MGAT4C: variants seen among roughly 807,000 people sequenced by gnomAD.
MGAT4C encodes MGAT4 family member C.
MGAT4C carries 19 observed loss-of-function variants against 40.1 expected under a neutral mutation model. That is an observed-to-expected ratio of 0.47 (90% CI 0.33 to 0.70). The LOEUF (loss-of-function observed/expected upper bound fraction) is 0.70, where lower values mean the gene tolerates loss of function less well. Among genes scored for constraint, MGAT4C ranks in the 30% least tolerant of loss-of-function variants. MGAT4C has a pLI of 0.02. For synonymous variants in MGAT4C, 181 were observed against 187.1 expected, an observed-to-expected ratio of 0.97 and a Z score of 0.27; for missense variants, 491 against 563.2, an observed-to-expected ratio of 0.87 and a Z score of 1.30.
At chr12:86,213,824 A>T (rs2135967037) in intron 1 of MGAT4C, among the ~76,000 whole-genome samples, 1 of 152,362 alleles carries the variant, frequency 6.6e-6, no homozygotes, top group South Asian at 2.1e-4. Context: ...ATGTGGACAC[A>T]GAGAAAGAAA....
Position 86,540,125 on chromosome 12 carries a change from G to A in MGAT4C, c.-228-104860C>T, listed in dbSNP as rs183361633. Among the ~76,000 whole-genome samples the A allele has an allele frequency of 3.3e-3, 500 of 152,226 alleles. 1 individual carries two copies. The highest frequency in any genetic ancestry group is 0.012 in the African/African-American group (483 of 41,536). ...CCTATGTCCTGAATGGTAATGCCTA[G>A]GTTTTCTTCTAGGGTTTTTATGGTT... is the stretch of plus-strand genomic sequence containing the variant. On this transcript the variant is annotated intron_variant, in intron 2 of 7. Coordinates refer to the MGAT4C transcript ENST00000548651.
chr12:85,991,219 A>G (rs1885888094), intron 2 of MGAT4C, among the ~76,000 whole-genome samples: 1 of 152,146 alleles, frequency 6.6e-6, no homozygotes, highest in Non-Finnish European at 1.5e-5. Context: ...TTCTCAGCAG[A>G]CAGGGTAGCT....
intron 1 of MGAT4C, among the ~76,000 whole-genome samples, chr12:86,074,463 C>G (rs1299304346): frequency 2.0e-5 from 3 of 152,112 alleles, no homozygotes; most frequent in Non-Finnish European, 4.4e-5. Context: ...TTGGAGTTTG[C>G]ATTTTGTAGA....
At chr12:86,259,245 A>C (rs1008245840), upstream of MGAT4C, among the ~76,000 whole-genome samples, 6 of 152,022 alleles carry the variant, frequency 3.9e-5, no homozygotes, top group Non-Finnish European at 4.4e-5. Context: ...AAGACCTTTC[A>C]GTAATTTATT....
At chr12:86,711,732 A>T (rs1193366867) in intron 2 of MGAT4C, among the ~76,000 whole-genome samples, 1 of 152,212 alleles carries the variant, frequency 6.6e-6, no homozygotes, top group Non-Finnish European at 1.5e-5. Flanking sequence ...AATATATTAA[A>T]TTACACAAAA....
chr12:86,189,731 A>G (rs1417658216), intron 1 of MGAT4C, among the ~76,000 whole-genome samples: 1 of 152,060 alleles, frequency 6.6e-6, no homozygotes, highest in Non-Finnish European at 1.5e-5. Context: ...TTTCTTTGAA[A>G]GCAAAACAAA....
intron 2 of MGAT4C, among the ~76,000 whole-genome samples, chr12:86,568,544 T>TCA (rs1292997139): frequency 2.1e-4 from 10 of 46,584 alleles, no homozygotes; most frequent in African/African-American, 3.7e-4. Flanking sequence ...AAACTCCCCT[T>TCA]CATATATATA....
intron 1 of MGAT4C, among the ~76,000 whole-genome samples, chr12:86,762,523 T>C (rs1196107031): frequency 1.3e-5 from 2 of 152,188 alleles, no homozygotes; most frequent in Admixed American, 6.5e-5. Flanking sequence ...CTCTCTCACA[T>C]AGCCACTCAA....
chr12:86,186,936 G>A (rs900760641), intron 1 of MGAT4C, among the ~76,000 whole-genome samples: 4 of 152,114 alleles, frequency 2.6e-5, no homozygotes. Context: ...AATCTATAGT[G>A]TTAGCAGGCC....
intron 1 of MGAT4C, among the ~76,000 whole-genome samples, chr12:86,823,307 A>T (rs1370574919): frequency 6.6e-6 from 1 of 151,370 alleles, no homozygotes; most frequent in Non-Finnish European, 1.5e-5. Flanking sequence ...GAAACGCAAA[A>T]GGTAGAAAAA....
At chr12:86,774,396 C>CCTCTCTCT (rs148122088) in intron 1 of MGAT4C, among the ~76,000 whole-genome samples, 1 of 92,194 alleles carries the variant, frequency 1.1e-5, no homozygotes, top group African/African-American at 4.2e-5. Context: ...CTCTCTCTCT[C>CCTCTCTCT]CTCTCTCTCT....
rs1442639314 is a variant in MGAT4C at position 86,691,720 on chromosome 12, G to C, written c.-229+35489C>G. ...TTCACATATTTATATCTGGCATTCA[G>C]TATTATATATAAGACATACAACGTA... On this transcript the variant is annotated intron_variant, in intron 2 of 7. Coordinates refer to the MGAT4C transcript ENST00000548651. 2.0e-5 allele frequency among the ~76,000 whole-genome samples: 3 copies of C among 151,848 alleles called. No homozygotes were observed. The East Asian group carries it at 5.8e-4, about 29-fold the overall frequency.
chr12:86,604,781 A>G (rs1308745945), intron 2 of MGAT4C, among the ~76,000 whole-genome samples: 1 of 152,186 alleles, frequency 6.6e-6, no homozygotes, highest in African/African-American at 2.4e-5. Context: ...AGAAACACAT[A>G]AAATACATAC....
At chr12:86,775,536 T>C (rs968702476) in intron 1 of MGAT4C, among the ~76,000 whole-genome samples, 3 of 151,472 alleles carry the variant, frequency 2.0e-5, no homozygotes, top group Non-Finnish European at 4.4e-5. Flanking sequence ...GAAGGTCTCA[T>C]GCAGATGTCA....
In MGAT4C at chr12:86,141,670, A is replaced by G. The variant is rs184596424; in HGVS notation, c.-56-91947T>C. ...TTTCAGAGCTGAAATATAAAATGCT[A>G]TTAACCAATTACCAGCTATACCTAA... On this transcript the variant is annotated intron_variant, in intron 1 of 4. Transcript: ENST00000611864. Among the ~76,000 whole-genome samples the G allele has an allele frequency of 5.9e-5, 9 of 152,244 alleles. No homozygotes were observed. The East Asian group carries it at 1.7e-3, about 29-fold the overall frequency.
chr12:86,454,861 A>T (rs928597009), intron 2 of MGAT4C, among the ~76,000 whole-genome samples: 2 of 152,164 alleles, frequency 1.3e-5, no homozygotes, highest in African/African-American at 4.8e-5. Flanking sequence ...AAATTGAGAT[A>T]TTTAATCCAA....
intron 2 of MGAT4C, among the ~76,000 whole-genome samples, chr12:86,527,254 T>C (rs562373970): frequency 6.6e-6 from 1 of 152,344 alleles, no homozygotes; most frequent in East Asian, 1.9e-4. Flanking sequence ...GCAACATTTA[T>C]TGAAAATACT....
At chr12:86,422,787 G>A (rs1448238323) in intron 3 of MGAT4C, among the ~76,000 whole-genome samples, 1 of 151,686 alleles carries the variant, frequency 6.6e-6, no homozygotes, top group Non-Finnish European at 1.5e-5. Flanking sequence ...TGAAATTGTT[G>A]TATTTTATTT....
chr12:86,825,122 G>A (rs1952780962), intron 1 of MGAT4C, among the ~76,000 whole-genome samples: 1 of 151,170 alleles, frequency 6.6e-6, no homozygotes, highest in Non-Finnish European at 1.5e-5. Flanking sequence ...GGTTTCGGGT[G>A]AAGAAATAGA....
Sources: allele counts gnomAD v4.1 joint callset (sites outside exome capture counted in the v4.1 genomes callset), GRCh38; gene constraint gnomAD v4.1.1; transcripts MANE v1.5; gene names NCBI Gene and HGNC (gene_info 2026-07-23, HGNC 2026-07-21).